Variants in ABCC4 observed in about 807,000 individuals in gnomAD.
ABCC4 encodes ATP-binding cassette sub-family C member 4.
A neutral mutation model predicts 168.5 loss-of-function variants in ABCC4; 102 were observed. That is an observed-to-expected ratio of 0.61 (90% CI 0.52 to 0.71). The LOEUF (loss-of-function observed/expected upper bound fraction) is 0.71. Ranked by LOEUF, ABCC4 falls within the 30% of genes least tolerant of loss-of-function variation. The probability of loss-of-function intolerance (pLI) is 0.00; values close to 1 mark genes in which losing one functional copy is unlikely to be tolerated. For missense variants in ABCC4, 1,402 were observed against 1,605.8 expected, an observed-to-expected ratio of 0.87 and a Z score of 2.17; for synonymous variants, 617 against 590.7, an observed-to-expected ratio of 1.04 and a Z score of -0.65.
intron 1 of ABCC4, among the ~76,000 whole-genome samples, chr13:95,291,009 A>AAAAAAG (rs1394530639): frequency 8.1e-5 from 10 of 123,352 alleles, no homozygotes; most frequent in Admixed American, 3.0e-4. Context: ...AAAAAAAAAA[A>AAAAAAG]AGAGGAAACC....
intron 3 of ABCC4, among the ~76,000 whole-genome samples, chr13:95,244,274 G>A (rs1366555170): frequency 6.6e-6 from 1 of 151,966 alleles, no homozygotes; most frequent in African/African-American, 2.4e-5. Context: ...ATGGCACCCA[G>A]TGTCCTCTTC....
chr13:95,087,121 A>G lies in ABCC4; in HGVS notation c.2536-3831T>C, dbSNP rs1003365658. Among the ~76,000 whole-genome samples the G allele has an allele frequency of 3.3e-5, 5 of 150,782 alleles. No homozygotes were observed. The South Asian group carries it at 1.0e-3, about 31-fold the overall frequency. On this transcript the variant is annotated intron_variant, in intron 20 of 30. Transcript: ENST00000645237. ...TGATTTAGAGAGAAAAAAATTGCCC[A>G]CTAGTTTTTGATCAGTAAGGTGTTT...
rs115556468 is a variant in ABCC4 at position 95,044,133 on chromosome 13, T to C, written c.3629+133A>G. On this transcript the variant is annotated intron_variant, in intron 28 of 30. Transcript: ENST00000645237. ...TGGGTTTCTTCTTTTTTTTTCAGAATGAATTTATCCATGTTAAAATGTTAT... is the reference window on the plus strand; with the variant it reads ...TGGGTTTCTTCTTTTTTTTTCAGAACGAATTTATCCATGTTAAAATGTTAT... The C allele has an allele frequency of 1.0e-4, 100 of 963,594 alleles. No individual in the cohort carries two copies. The African/African-American group carries it at 1.6e-3, about 15-fold the overall frequency. The allele number at this position is 963,594 out of a possible 1,614,324, so 59.7% of individuals were successfully genotyped here.
At chr13:95,089,616 A>C (rs142605149) in intron 20 of ABCC4, among the ~76,000 whole-genome samples, 293 of 152,216 alleles carry the variant, frequency 1.9e-3, no homozygotes, top group African/African-American at 6.2e-3. Flanking sequence ...ACACTAAATA[A>C]CATACTAAAT....
intron 13 of ABCC4, among the ~76,000 whole-genome samples, chr13:95,173,214 G>A (rs2037539685): frequency 6.6e-6 from 1 of 152,242 alleles, no homozygotes; most frequent in Non-Finnish European, 1.5e-5. Flanking sequence ...AGGAGGTGAT[G>A]TATGAGCCAT....
At chr13:95,056,711 C>G (rs1427615664) in intron 26 of ABCC4, among the ~76,000 whole-genome samples, 2 of 151,314 alleles carry the variant, frequency 1.3e-5, no homozygotes, top group Admixed American at 1.3e-4. Context: ...GAGACACACT[C>G]TGGTTAACCT....
chr13:95,297,514 A>T (rs2041567128), intron 1 of ABCC4, among the ~76,000 whole-genome samples: 1 of 152,162 alleles, frequency 6.6e-6, no homozygotes, highest in African/African-American at 2.4e-5. Context: ...AGAAAAGCAA[A>T]CACTCAACAA....
chr13:95,249,085 C>G (rs2040190270), intron 1 of ABCC4, among the ~76,000 whole-genome samples: 1 of 151,766 alleles, frequency 6.6e-6, no homozygotes, highest in African/African-American at 2.4e-5. Flanking sequence ...GCCAGATGTA[C>G]TGGTGTAAGC....
At chr13:95,097,142 TA>T (rs2034627054) in intron 20 of ABCC4, among the ~76,000 whole-genome samples, 1 of 152,072 alleles carries the variant, frequency 6.6e-6, no homozygotes, top group South Asian at 2.1e-4. Context: ...GCAATAAACT[TA>T]AATGGATATG....
intron 11 of ABCC4, 86 bp downstream of exon 11, chr13:95,186,613 TAA>T: frequency 7.7e-7 from 1 of 1,293,890 alleles, no homozygotes; most frequent in Non-Finnish European, 1.1e-6. Context: ...CTTTAAAAAT[TAA>T]AAAAAAGTTA....
chr13:95,099,735 C>T (rs1168621733), intron 20 of ABCC4, among the ~76,000 whole-genome samples: 1 of 152,132 alleles, frequency 6.6e-6, no homozygotes, highest in Non-Finnish European at 1.5e-5. Flanking sequence ...GTGGCTGGCC[C>T]TTTGCTGCGA....
chr13:95,197,828 T>C (rs1035945107), intron 8 of ABCC4, among the ~76,000 whole-genome samples: 2 of 152,190 alleles, frequency 1.3e-5, no homozygotes, highest in Non-Finnish European at 2.9e-5. Context: ...TTGGACTTGC[T>C]TAATGCCAAG....
chr13:95,253,542 C>T (rs930982799), intron 1 of ABCC4, among the ~76,000 whole-genome samples: 8 of 151,810 alleles, frequency 5.3e-5, no homozygotes, highest in Admixed American at 2.0e-4. Context: ...GTCAGGAGTT[C>T]GAGACCAGCC....
At chr13:95,171,973 G>A (rs61965893) in intron 13 of ABCC4, among the ~76,000 whole-genome samples, 47,533 of 151,940 alleles carry the variant, frequency 0.31, 8,417 homozygotes, top group Non-Finnish European at 0.4. Context: ...GCTGCCATTA[G>A]TCCTTTTATA....
rs565214174 is a variant in ABCC4, at chr13:95,055,010, G to A, written c.3367-1826C>T. Among the ~76,000 whole-genome samples the A allele has an allele frequency of 3.3e-5, 5 of 152,306 alleles. No individual in the cohort carries two copies. In the South Asian group the frequency reaches 8.3e-4, roughly 25 times the overall value. The stretch of plus-strand genomic sequence containing the variant: ...CGACGGTAAAATGGGCACTTTGTGT[G>A]TATAAAGCTGATAAAGTGGCCAATA... On this transcript the variant is annotated intron_variant, in intron 26 of 30. Coordinates refer to ENST00000645237, the MANE Select transcript of ABCC4 (RefSeq NM_005845.5).
At chr13:95,275,715 A>G (rs1490448908) in intron 1 of ABCC4, among the ~76,000 whole-genome samples, 1 of 147,506 alleles carries the variant, frequency 6.8e-6, no homozygotes, top group Admixed American at 7.0e-5. Context: ...TCTGTACTGC[A>G]CTCCAGCCTG....
Position 95,086,648 on chromosome 13 carries a change from G to C in ABCC4, c.2536-3358C>G, listed in dbSNP as rs866173238. Among the ~76,000 whole-genome samples, 9 of 152,296 alleles carry C rather than the reference G, an allele frequency of 5.9e-5. No homozygotes were observed. In the South Asian group the frequency reaches 1.9e-3, roughly 32 times the overall value. ...ATTTTGTGGGATTCTGTTCCTGCTA[G>C]TCTTTGTGAAGCTTGTGCCAACGAA... On this transcript the variant is annotated intron_variant, in intron 20 of 30. Transcript: ENST00000645237.
chr13:95,205,715 G>C (rs927321389), intron 8 of ABCC4, among the ~76,000 whole-genome samples: 1 of 152,234 alleles, frequency 6.6e-6, no homozygotes, highest in Non-Finnish European at 1.5e-5. Context: ...CCCAGCATCA[G>C]TGTTAAGAGG....
intron 13 of ABCC4, among the ~76,000 whole-genome samples, chr13:95,172,936 G>A (rs2037530004): frequency 6.6e-6 from 1 of 152,150 alleles, no homozygotes; most frequent in South Asian, 2.1e-4. Flanking sequence ...AGGAAGGGAT[G>A]GAGGGAGGGA....
Sources: gnomAD v4.1 joint callset for allele counts (sites outside exome capture counted in the v4.1 genomes callset) on GRCh38, gnomAD v4.1.1 for gene constraint, MANE v1.5 for transcripts, NCBI Gene and HGNC (gene_info 2026-07-23, HGNC 2026-07-21) for gene names.